Variants in MIA2 observed in about 807,000 individuals in gnomAD.
MIA2 encodes melanoma inhibitory activity protein 2.
Under a neutral mutation model 167.8 loss-of-function variants are expected in MIA2, and 127 were observed. The ratio of observed to expected loss-of-function variants is 0.76; its 90% CI spans 0.66 to 0.88. The LOEUF (loss-of-function observed/expected upper bound fraction) is 0.88. Among genes scored for constraint, MIA2 ranks in the 40% least tolerant of loss-of-function variants. MIA2 has a pLI of 0.00. For missense variants in MIA2, 1,690 were observed against 1,624.7 expected, an observed-to-expected ratio of 1.04 and a Z score of -0.69; for synonymous variants, 552 against 541.9, an observed-to-expected ratio of 1.02 and a Z score of -0.26.
intron 25 of MIA2, among the ~76,000 whole-genome samples, chr14:39,343,851 GTA>G (rs1324657520): frequency 1.3e-5 from 2 of 152,116 alleles, no homozygotes; most frequent in Non-Finnish European, 2.9e-5. Flanking sequence ...GTGTGTATAT[GTA>G]TATGTGCATT....
chr14:39,305,145 T>G (rs544172497), intron 17 of MIA2, among the ~76,000 whole-genome samples: 2 of 152,326 alleles, frequency 1.3e-5, no homozygotes, highest in East Asian at 3.9e-4. Flanking sequence ...AATACTGTTT[T>G]AAAAGATTGA....
chr14:39,303,419 C>T (rs570353038), intron 15 of MIA2, 59 bp from the exon 16 acceptor site: 1 of 1,235,370 alleles, frequency 8.1e-7, no homozygotes, highest in African/African-American at 1.5e-5. Context: ...ATTTTGATGT[C>T]TATTGTCGTA....
chr14:39,383,653 AAGG>A (rs1489751922), intron 23 of MIA2, among the ~76,000 whole-genome samples: 1 of 152,250 alleles, frequency 6.6e-6, no homozygotes, highest in Non-Finnish European at 1.5e-5. Context: ...TGTGAATGCA[AAGG>A]AGAAGTTCTT....
At chr14:39,357,032 A>C (rs1379464578) in intron 23 of MIA2, among the ~76,000 whole-genome samples, 1 of 152,158 alleles carries the variant, frequency 6.6e-6, no homozygotes, top group African/African-American at 2.4e-5. Flanking sequence ...TATTCTGTTG[A>C]ATTCGGGTGG....
At position 39,240,540 on chromosome 14, in the gene MIA2, CTTTG is replaced by C; in HGVS notation, c.250-18_250-15del. ...GCTTTGATCATTCTTCCTCGATAAT[CTTTG>C]TTCTTCATTTTGACAGAAAGGAAAG... is the stretch of plus-strand genomic sequence containing the variant. On this transcript the variant is annotated splice_polypyrimidine_tract_variant and intron_variant, in intron 2 of 28. Transcript: ENST00000640607. 6.4e-7 allele frequency: 1 copy of C among 1,570,550 alleles called. No homozygotes were observed. The highest frequency in any genetic ancestry group is 1.4e-5 in the African/African-American group (1 of 73,966).
chr14:39,314,610 G>GTTTTTTT (rs55732496), intron 19 of MIA2, 129 bp from the exon 20 acceptor site: 9 of 190,060 alleles, frequency 4.7e-5, no homozygotes, highest in South Asian at 1.7e-4. Flanking sequence ...GAGTTCTGGA[G>GTTTTTTT]TTTTTTTTTT....
At chr14:39,311,408 T>C (rs953984692) in intron 18 of MIA2, among the ~76,000 whole-genome samples, 8 of 132,618 alleles carry the variant, frequency 6.0e-5, no homozygotes, top group African/African-American at 1.9e-4. Flanking sequence ...TATACCATTT[T>C]CCCAAATTTA....
intron 4 of MIA2, among the ~76,000 whole-genome samples, chr14:39,250,844 T>A (rs747532156): frequency 1.2e-4 from 18 of 151,668 alleles, no homozygotes; most frequent in Non-Finnish European, 2.4e-4. Flanking sequence ...GGAACTTTTA[T>A]GAAAATATTC....
At chr14:39,344,160 C>T (rs775669708) in intron 25 of MIA2, among the ~76,000 whole-genome samples, 9 of 152,052 alleles carry the variant, frequency 5.9e-5, no homozygotes, top group Non-Finnish European at 1.0e-4. Context: ...GGCAACATAG[C>T]CATGTAGTTT....
At chr14:39,237,640 T>C (rs948954245) in intron 2 of MIA2, among the ~76,000 whole-genome samples, 11 of 152,180 alleles carry the variant, frequency 7.2e-5, no homozygotes, top group African/African-American at 2.7e-4. Context: ...GCATGCATTG[T>C]TTTTAAAATT....
rs191023019 is a variant in MIA2, at chr14:39,300,183, A to G, written c.2619+197A>G. ...ACATACACACACACATACTTATATG[A>G]ATATTCTGTGTGTCCTTTTTTCTTC... On this transcript the variant is annotated intron_variant, in intron 14 of 28. Coordinates refer to ENST00000640607, the MANE Select transcript of MIA2 (RefSeq NM_001329214.4). 1.3e-4 allele frequency among the ~76,000 whole-genome samples: 20 copies of G among 152,262 alleles called. No homozygotes were observed. In the East Asian group the frequency reaches 3.7e-3, roughly 28 times the overall value.
At chr14:39,310,100 C>T (rs1413651591) in intron 18 of MIA2, among the ~76,000 whole-genome samples, 1 of 152,102 alleles carries the variant, frequency 6.6e-6, no homozygotes, top group South Asian at 2.1e-4. Context: ...TAAATCAGAT[C>T]AGTACATGCA....
intron 6 of MIA2, among the ~76,000 whole-genome samples, chr14:39,269,213 A>T (rs2152694113): frequency 6.6e-6 from 1 of 151,898 alleles, no homozygotes; most frequent in East Asian, 1.9e-4. Context: ...ACACAACATA[A>T]AATTCATCCT....
At chr14:39,328,182 C>T (rs182976778) in intron 25 of MIA2, among the ~76,000 whole-genome samples, 1 of 152,286 alleles carries the variant, frequency 6.6e-6, no homozygotes, top group Non-Finnish European at 1.5e-5. Flanking sequence ...GAGATGGTAT[C>T]TCATTGTGGT....
At chr14:39,371,884 T>C (rs1203687886) in intron 23 of MIA2, among the ~76,000 whole-genome samples, 6 of 152,190 alleles carry the variant, frequency 3.9e-5, no homozygotes, top group Non-Finnish European at 7.4e-5. Flanking sequence ...ATTATCTTTC[T>C]GTGTAGGGGC....
chr14:39,330,088 C>T (rs138114809), intron 25 of MIA2, among the ~76,000 whole-genome samples: 2 of 152,114 alleles, frequency 1.3e-5, no homozygotes, highest in Non-Finnish European at 1.5e-5. Context: ...GGCTGTGAAT[C>T]CATCTGGTCC....
intron 9 of MIA2, among the ~76,000 whole-genome samples, chr14:39,283,761 T>A (rs940585144): frequency 6.6e-6 from 1 of 152,214 alleles, no homozygotes; most frequent in Non-Finnish European, 1.5e-5. Context: ...ATTGGTGATA[T>A]TGAACACCAT....
At chr14:39,322,967 C>T (rs1188588613) in intron 24 of MIA2, among the ~76,000 whole-genome samples, 2 of 152,030 alleles carry the variant, frequency 1.3e-5, no homozygotes, top group South Asian at 2.1e-4. Context: ...AATAAAAACA[C>T]CAAATTAAAT....
At chr14:39,293,670 T>C (rs1008634776) in intron 11 of MIA2, among the ~76,000 whole-genome samples, 3 of 152,186 alleles carry the variant, frequency 2.0e-5, no homozygotes, top group Non-Finnish European at 4.4e-5. Flanking sequence ...TTACTTAACA[T>C]GTATATTAAC....
Sources: allele counts gnomAD v4.1 joint callset (sites outside exome capture counted in the v4.1 genomes callset), GRCh38; gene constraint gnomAD v4.1.1; transcripts MANE v1.5; gene names NCBI Gene and HGNC (gene_info 2026-07-23, HGNC 2026-07-21).